SLC35D4: variants seen among roughly 807,000 people sequenced by gnomAD.
SLC35D4 encodes UDP-N-acetylglucosamine transporter SLC35D4.
At chr18:23,322,001 G>A in the SLC35D4 span, among the ~76,000 whole-genome samples, 6 of 152,308 alleles carry the variant, frequency 3.9e-5, no homozygotes, top group South Asian at 1.2e-3. Context: ...CTCTCCTCAC[G>A]ATTCCTTCTC....
chr18:23,364,902 C>CAAAAAA, the SLC35D4 span, among the ~76,000 whole-genome samples: 70 of 31,882 alleles, frequency 2.2e-3, 9 homozygotes, highest in African/African-American at 4.5e-3. Flanking sequence ...GACTCTGTCT[C>CAAAAAA]AAAAAAAAAA....
At chr18:23,276,213 G>A in the SLC35D4 span, among the ~76,000 whole-genome samples, 2 of 151,708 alleles carry the variant, frequency 1.3e-5, no homozygotes, top group Non-Finnish European at 2.9e-5. Context: ...TCAGCCTCCC[G>A]AGTAGCTGGG....
At chr18:23,289,401 C>T in the SLC35D4 span, among the ~76,000 whole-genome samples, 6,868 of 152,236 alleles carry the variant, frequency 0.045, 505 homozygotes, top group African/African-American at 0.16. Context: ...AAACCATATC[C>T]AGGCCATCAC....
chr18:23,277,007 C>G, the SLC35D4 span, among the ~76,000 whole-genome samples: 132 of 152,344 alleles, frequency 8.7e-4, no homozygotes, highest in African/African-American at 3.1e-3. Flanking sequence ...CACCTCAAAT[C>G]TTACTGGTTT....
chr18:23,337,856 G>A, the SLC35D4 span, among the ~76,000 whole-genome samples: 1 of 152,226 alleles, frequency 6.6e-6, no homozygotes, highest in Non-Finnish European at 1.5e-5. Flanking sequence ...AGGAGAGATA[G>A]GAAGTTGAAA....
At chr18:23,402,363 ATCATAGAGTATATGCTAAG>A in the SLC35D4 span, among the ~76,000 whole-genome samples, 1 of 152,240 alleles carries the variant, frequency 6.6e-6, no homozygotes, top group Non-Finnish European at 1.5e-5. Context: ...TCAATGGAAA[ATCATAGAGTATATGCTAAG>A]GGTAGTATAT....
the SLC35D4 span, among the ~76,000 whole-genome samples, chr18:23,246,150 G>A: frequency 6.6e-6 from 1 of 151,974 alleles, no homozygotes; most frequent in African/African-American, 2.4e-5. Context: ...TGTTGTCCCA[G>A]CTACTCAGGA....
At chr18:23,274,657 C>T in the SLC35D4 span, among the ~76,000 whole-genome samples, 3 of 152,218 alleles carry the variant, frequency 2.0e-5, no homozygotes, top group Non-Finnish European at 2.9e-5. Flanking sequence ...TGGAGGCAGC[C>T]TCCCCACTGC....
At chr18:23,325,598 T>C in the SLC35D4 span, among the ~76,000 whole-genome samples, 1 of 152,214 alleles carries the variant, frequency 6.6e-6, no homozygotes, top group Non-Finnish European at 1.5e-5. Context: ...AACATGAGAA[T>C]GTTGTTACAG....
At chr18:23,384,001 T>TGGGG in the SLC35D4 span, among the ~76,000 whole-genome samples, 9 of 37,474 alleles carry the variant, frequency 2.4e-4, no homozygotes, top group South Asian at 1.5e-3. Flanking sequence ...TTCCAAAAAT[T>TGGGG]GGGGGGGGGG....
chr18:23,244,309 C>G, the SLC35D4 span, among the ~76,000 whole-genome samples: 1 of 152,232 alleles, frequency 6.6e-6, no homozygotes, highest in Non-Finnish European at 1.5e-5. Flanking sequence ...CCATGTAAAC[C>G]TGAAGCAGAG....
At chr18:23,241,352 G>A in the SLC35D4 span, among the ~76,000 whole-genome samples, 1 of 152,032 alleles carries the variant, frequency 6.6e-6, no homozygotes, top group Non-Finnish European at 1.5e-5. Flanking sequence ...CTAACGTGAT[G>A]AAACTCTGTC....
the SLC35D4 span, among the ~76,000 whole-genome samples, chr18:23,285,828 C>T: frequency 6.6e-6 from 1 of 152,148 alleles, no homozygotes; most frequent in Non-Finnish European, 1.5e-5. Flanking sequence ...CTAGCCCTCC[C>T]CCACCCGCCC....
At chr18:23,257,482 C>T in the SLC35D4 span, 43 of 1,209,764 alleles carry the variant, frequency 3.6e-5, no homozygotes, top group Admixed American at 5.0e-4. Context: ...TTCTTCCTCT[C>T]GACATAGTTT....
the SLC35D4 span, among the ~76,000 whole-genome samples, chr18:23,367,474 C>T: frequency 6.6e-5 from 10 of 151,972 alleles, no homozygotes; most frequent in African/African-American, 9.7e-5. Flanking sequence ...TGCTGGGGGA[C>T]GGGAGGGGTT....
the SLC35D4 span, among the ~76,000 whole-genome samples, chr18:23,424,688 C>T: frequency 5.9e-5 from 9 of 152,284 alleles, no homozygotes; most frequent in East Asian, 9.6e-4. Context: ...CTAAAATACC[C>T]GTAATCACAG....
chr18:23,394,980 T>C, the SLC35D4 span, among the ~76,000 whole-genome samples: 1 of 68,366 alleles, frequency 1.5e-5, no homozygotes. Context: ...CGAAACTCCA[T>C]CTCAAAAAAA....
the SLC35D4 span, among the ~76,000 whole-genome samples, chr18:23,323,785 A>G: frequency 6.6e-6 from 1 of 152,160 alleles, no homozygotes; most frequent in Non-Finnish European, 1.5e-5. Flanking sequence ...GCCCTTATTA[A>G]AAGAGACCAG....
the SLC35D4 span, chr18:23,296,666 A>G: frequency 6.6e-6 from 1 of 152,200 alleles, no homozygotes; most frequent in South Asian, 2.1e-4. Context: ...TCAGTGTTCA[A>G]TGATTTGAAA....
Sources: allele counts gnomAD v4.1 joint callset (sites outside exome capture counted in the v4.1 genomes callset), GRCh38; gene constraint gnomAD v4.1.1; transcripts MANE v1.5; gene names NCBI Gene and HGNC (gene_info 2026-07-23, HGNC 2026-07-21).